NRXN1: variants seen among roughly 807,000 people sequenced by gnomAD.
The protein encoded by NRXN1 is neurexin-1.
A neutral mutation model predicts 150.9 loss-of-function variants in NRXN1; 39 were observed. The ratio of observed to expected loss-of-function variants is 0.26; its 90% CI spans 0.20 to 0.34. NRXN1 has a LOEUF of 0.34. Among genes scored for constraint, NRXN1 ranks in the 10% least tolerant of loss-of-function variants. The pLI is 1.00. For synonymous variants in NRXN1, 924 were observed against 757.0 expected, an observed-to-expected ratio of 1.22 and a Z score of -3.62; for missense variants, 1,815 against 1,949.9, an observed-to-expected ratio of 0.93 and a Z score of 1.30.
chr2:50,756,833 C>A (rs1404570674), intron 5 of NRXN1, among the ~76,000 whole-genome samples: 1 of 151,728 alleles, frequency 6.6e-6, no homozygotes, highest in Admixed American at 6.6e-5. Context: ...CATTTTTTCA[C>A]TCTCTTATAA....
intron 11 of NRXN1, among the ~76,000 whole-genome samples, chr2:50,530,465 A>AG (rs2093069488): frequency 6.6e-6 from 1 of 152,220 alleles, no homozygotes; most frequent in Non-Finnish European, 1.5e-5. Context: ...AAAACTGCTT[A>AG]AACAAATTTT....
intron 2 of NRXN1, among the ~76,000 whole-genome samples, chr2:50,946,565 A>G (rs1690423176): frequency 1.3e-5 from 2 of 152,168 alleles, no homozygotes; most frequent in Non-Finnish European, 2.9e-5. Context: ...TTACATTTTT[A>G]ACCACATAAG....
intron 18 of NRXN1, among the ~76,000 whole-genome samples, chr2:50,194,507 C>G (rs576666397): frequency 6.6e-6 from 1 of 151,978 alleles, no homozygotes; most frequent in Non-Finnish European, 1.5e-5. Context: ...GTTCTTTACC[C>G]CCCCGATTCC....
intron 18 of NRXN1, among the ~76,000 whole-genome samples, chr2:50,169,136 G>A (rs1467820679): frequency 6.6e-6 from 1 of 152,126 alleles, no homozygotes; most frequent in African/African-American, 2.4e-5. Flanking sequence ...AATGTTGGGT[G>A]GAAGCTATTA....
chr2:50,574,388 C>A (rs1671092339), intron 8 of NRXN1, among the ~76,000 whole-genome samples: 1 of 152,004 alleles, frequency 6.6e-6, no homozygotes, highest in Admixed American at 6.6e-5. Context: ...CAAAAGCTTC[C>A]GTCTTCAAGG....
At chr2:50,110,304 C>T (rs1702204717) in intron 18 of NRXN1, among the ~76,000 whole-genome samples, 1 of 151,906 alleles carries the variant, frequency 6.6e-6, no homozygotes, top group African/African-American at 2.4e-5. Context: ...TCCTGTCTAA[C>T]ACGGTGAAAC....
chr2:49,999,301 C>T (rs1473498417), intron 21 of NRXN1, among the ~76,000 whole-genome samples: 1 of 152,090 alleles, frequency 6.6e-6, no homozygotes, highest in Non-Finnish European at 1.5e-5. Context: ...TCCAAAATGA[C>T]TTTCCTTATC....
Position 50,866,622 on chromosome 2 carries a change from C to T in NRXN1, c.832+55247G>A, listed in dbSNP as rs568817539. The stretch of plus-strand genomic sequence containing the variant: ...ATGAGTTATATAGTTATAATTTACA[C>T]GCCTCTTTAAGGGCAAGTACAATGC... On this transcript the variant is annotated intron_variant, in intron 5 of 22. Transcript: ENST00000401669. 6.6e-4 allele frequency among the ~76,000 whole-genome samples: 101 copies of T among 152,020 alleles called. 1 individual carries two copies. The highest frequency in any genetic ancestry group is 3.4e-3 in the Middle Eastern group (1 of 294).
intron 2 of NRXN1, among the ~76,000 whole-genome samples, chr2:50,964,425 C>A (rs943979809): frequency 6.6e-6 from 1 of 151,406 alleles, no homozygotes; most frequent in African/African-American, 2.4e-5. Flanking sequence ...AGATGGTGAA[C>A]ACGAAAATTA....
intron 21 of NRXN1, among the ~76,000 whole-genome samples, chr2:50,019,695 C>T (rs1687217434): frequency 6.9e-6 from 1 of 145,302 alleles, no homozygotes; most frequent in South Asian, 2.2e-4. Flanking sequence ...GCCTGTAATC[C>T]CAGCACTTTG....
intron 18 of NRXN1, among the ~76,000 whole-genome samples, chr2:50,096,640 C>T (rs1700262056): frequency 6.6e-6 from 1 of 152,102 alleles, no homozygotes; most frequent in African/African-American, 2.4e-5. Context: ...TTTCAAAAAT[C>T]TCTTATAAGA....
intron 21 of NRXN1, among the ~76,000 whole-genome samples, chr2:49,975,683 A>G (rs537222478): frequency 9.2e-5 from 14 of 152,286 alleles, no homozygotes; most frequent in African/African-American, 3.1e-4. Context: ...CTTTATTCTT[A>G]AAAAATATTA....
At chr2:50,780,311 G>C (rs1429044038) in intron 5 of NRXN1, among the ~76,000 whole-genome samples, 8 of 151,926 alleles carry the variant, frequency 5.3e-5, no homozygotes, top group East Asian at 1.9e-4. Context: ...TTGTAATGTG[G>C]TTTTTTCACT....
chr2:50,059,432 A>C (rs1694149827), intron 19 of NRXN1, among the ~76,000 whole-genome samples: 1 of 152,220 alleles, frequency 6.6e-6, no homozygotes, highest in Non-Finnish European at 1.5e-5. Context: ...CTTATGTTTA[A>C]AATGGAAGCA....
At chr2:50,160,105 A>T (rs6751528) in intron 18 of NRXN1, among the ~76,000 whole-genome samples, 85,258 of 151,836 alleles carry the variant, frequency 0.56, 24,517 homozygotes, top group Middle Eastern at 0.65. Context: ...TTCGGGCCAA[A>T]CCTTCATGGC....
intron 21 of NRXN1, among the ~76,000 whole-genome samples, chr2:50,026,418 C>A (rs1688285773): frequency 6.6e-6 from 1 of 152,126 alleles, no homozygotes; most frequent in African/African-American, 2.4e-5. Flanking sequence ...ATATCTCTTT[C>A]CTGCATATTG....
chr2:49,924,257 C>T (rs558787184), intron 22 of NRXN1, among the ~76,000 whole-genome samples: 23 of 152,092 alleles, frequency 1.5e-4, no homozygotes, highest in Non-Finnish European at 3.1e-4. Context: ...TCATTTTAAA[C>T]ACATTTTCAC....
rs561231470 is a variant in NRXN1 at position 50,269,757 on chromosome 2, C to CA, written c.3365-32788dup. Among the ~76,000 whole-genome samples, 662 of 152,010 alleles carry CA rather than the reference C, an allele frequency of 4.4e-3. 7 individuals are homozygous for CA. The highest frequency in any genetic ancestry group is 0.016 in the African/African-American group (647 of 41,484). The stretch of plus-strand genomic sequence containing the variant: ...AATGTAAATATCAATTATTGTGTTA[C>CA]AAAAAAACAACTTTTAGGATGTGGG... On this transcript the variant is annotated intron_variant, in intron 17 of 22. Transcript: ENST00000401669.
At chr2:51,012,659 G>A (rs893302955) in intron 2 of NRXN1, among the ~76,000 whole-genome samples, 3 of 152,038 alleles carry the variant, frequency 2.0e-5, no homozygotes, top group African/African-American at 7.2e-5. Context: ...CACTGCCTAA[G>A]ACCTAACATC....
Sources: allele counts gnomAD v4.1 joint callset (sites outside exome capture counted in the v4.1 genomes callset), GRCh38; gene constraint gnomAD v4.1.1; transcripts MANE v1.5; gene names NCBI Gene and HGNC (gene_info 2026-07-23, HGNC 2026-07-21).